RBFOX3: variants seen among roughly 807,000 people sequenced by gnomAD.
The protein encoded by RBFOX3 is RNA binding protein fox-1 homolog 3.
RBFOX3 carries 17 observed loss-of-function variants against 48.7 expected under a neutral mutation model. The observed-to-expected ratio is 0.35, with a 90% CI of 0.24 to 0.52. The LOEUF (loss-of-function observed/expected upper bound fraction) is 0.52, where lower values mean the gene tolerates loss of function less well. Among genes scored for constraint, RBFOX3 ranks in the 20% least tolerant of loss-of-function variants. The pLI is 0.94. For synonymous variants in RBFOX3, 212 were observed against 209.5 expected (o/e 1.01, Z -0.10); for missense variants, 382 against 497.5 (o/e 0.77, Z 2.21).
chr17:79,223,828 AAAC>A (rs1296850080), intron 4 of RBFOX3, among the ~76,000 whole-genome samples: 1 of 152,216 alleles, frequency 6.6e-6, no homozygotes, highest in African/African-American at 2.4e-5. Context: ...GCACTAAAGC[AAAC>A]AACACTTTCA....
At chr17:79,155,463 T>C (rs900017420) in intron 4 of RBFOX3, among the ~76,000 whole-genome samples, 5 of 152,256 alleles carry the variant, frequency 3.3e-5, no homozygotes, top group African/African-American at 1.2e-4. Flanking sequence ...GGAGCCAGCA[T>C]GAAATATTCA....
chr17:79,106,222 T>C (rs983610708), intron 6 of RBFOX3, among the ~76,000 whole-genome samples: 2 of 150,968 alleles, frequency 1.3e-5, no homozygotes, highest in East Asian at 2.0e-4. Context: ...CTATGGGAGG[T>C]TGAGCTGCCC....
chr17:79,278,164 G>A (rs1326953044), intron 3 of RBFOX3, among the ~76,000 whole-genome samples: 2 of 152,228 alleles, frequency 1.3e-5, no homozygotes, highest in South Asian at 4.1e-4. Flanking sequence ...GCCATGGGGG[G>A]CCTCGGGGGT....
At chr17:79,474,440 C>T (rs2077436721) in intron 2 of RBFOX3, among the ~76,000 whole-genome samples, 2 of 152,204 alleles carry the variant, frequency 1.3e-5, no homozygotes, top group Non-Finnish European at 2.9e-5. Flanking sequence ...ACTAACCCTC[C>T]TTTCCCTCAA....
rs1022358382 is a variant in RBFOX3 at position 79,481,701 on chromosome 17, G to A, written c.-175+753C>T. Reference sequence around the variant, plus strand: ...GGGTGGTGCATCCTAACACCATGGGGAATGGGTGTGGATGCTCCGAACTCA... The same window carrying A: ...GGGTGGTGCATCCTAACACCATGGGAAATGGGTGTGGATGCTCCGAACTCA... On this transcript the variant is annotated intron_variant, in intron 2 of 14. Transcript: ENST00000693108. This position sits in a 1 kb window ranked among gnomAD's most constrained non-coding sequence, Gnocchi z 5.4. Among the ~76,000 whole-genome samples the A allele has an allele frequency of 1.3e-5, 2 of 152,222 alleles. No individual in the cohort carries two copies. Among genetic ancestry groups the A allele is most frequent in the Non-Finnish European group, 2.9e-5 (2 of 68,032 alleles).
At chr17:79,142,326 A>G (rs957488142) in intron 4 of RBFOX3, among the ~76,000 whole-genome samples, 8 of 152,204 alleles carry the variant, frequency 5.3e-5, no homozygotes, top group African/African-American at 1.7e-4. Flanking sequence ...GCCCCGTTGG[A>G]GAGGCAGGAG....
intron 8 of RBFOX3, among the ~76,000 whole-genome samples, chr17:79,102,321 G>C (rs1246102419): frequency 3.9e-5 from 6 of 152,202 alleles, no homozygotes; most frequent in Non-Finnish European, 8.8e-5. Context: ...GGTCTGGGCT[G>C]TTCTGCCTCC....
chr17:79,287,973 C>T lies in RBFOX3; in HGVS notation c.-74+19751G>A, dbSNP rs142942211. Among the ~76,000 whole-genome samples the T allele has an allele frequency of 1.9e-3, 288 of 152,328 alleles. 1 individual carries two copies. The highest frequency in any genetic ancestry group is 6.3e-3 in the African/African-American group (263 of 41,570). On this transcript the variant is annotated intron_variant, in intron 3 of 14. Coordinates refer to ENST00000693108, the MANE Select transcript of RBFOX3 (RefSeq NM_001350451.2). ...GCCAGTTAAGTCGGGCCATTCCGGG[C>T]GCTGCTGCAACCCCTCTCGGGCTCC...
intron 1 of RBFOX3, chr17:79,598,365 T>TACATGCACACATGC (rs2093622017): frequency 6.7e-6 from 1 of 149,744 alleles, no homozygotes; most frequent in Non-Finnish European, 1.5e-5. Flanking sequence ...TGCACACATG[T>TACATGCACACATGC]GCACACATAC....
rs1600185485 is a variant in RBFOX3 at position 79,242,841 on chromosome 17, G to T, written c.-73-7036C>A. Among the ~76,000 whole-genome samples the T allele has an allele frequency of 6.6e-6, 1 of 152,112 alleles. No homozygotes were observed. Among genetic ancestry groups the T allele is most frequent in the East Asian group, 1.9e-4 (1 of 5,188 alleles). ...GCAGTTTTGCCTCCTCTCCCAGGAA[G>T]CCCGGGCAGGGCTCCACAGCAACCT... On this transcript the variant is annotated intron_variant, in intron 3 of 14. Transcript: ENST00000693108. This position sits in a 1 kb window ranked among gnomAD's most constrained non-coding sequence, Gnocchi z 5.8.
At chr17:79,246,180 T>C (rs1249511629) in intron 3 of RBFOX3, among the ~76,000 whole-genome samples, 1 of 152,130 alleles carries the variant, frequency 6.6e-6, no homozygotes, top group Non-Finnish European at 1.5e-5. Flanking sequence ...ATCTATAGAA[T>C]GACATGGACA....
chr17:79,573,114 C>T (rs905937074), intron 1 of RBFOX3, among the ~76,000 whole-genome samples: 2 of 152,214 alleles, frequency 1.3e-5, no homozygotes, highest in Admixed American at 6.5e-5. Flanking sequence ...ATGCCTCAGG[C>T]ATTTCCTCTT....
chr17:79,367,452 T>C (rs992698865), intron 2 of RBFOX3, among the ~76,000 whole-genome samples: 4 of 151,670 alleles, frequency 2.6e-5, no homozygotes, highest in African/African-American at 9.7e-5. Context: ...GCAAATCACA[T>C]TGGCCAGATT....
chr17:79,451,032 G>C (rs532628137), intron 2 of RBFOX3, among the ~76,000 whole-genome samples: 4 of 152,252 alleles, frequency 2.6e-5, no homozygotes, highest in African/African-American at 7.2e-5. Context: ...AGCCCAGGCT[G>C]GGGGGCCCGA....
chr17:79,362,116 T>G lies in RBFOX3; in HGVS notation c.-174-54292A>C, dbSNP rs983382613. Among the ~76,000 whole-genome samples the G allele has an allele frequency of 1.5e-4, 23 of 152,046 alleles. No homozygotes were observed. The highest frequency in any genetic ancestry group is 5.2e-4 in the Admixed American group (8 of 15,274). ...GATCACTCCCTTCGAGAGAATCCAC[T>G]CCACTGCCAGCTCACACACAGCCCT... On this transcript the variant is annotated intron_variant, in intron 2 of 14. Coordinates refer to ENST00000693108, the MANE Select transcript of RBFOX3 (RefSeq NM_001350451.2). This position sits in a 1 kb window ranked among gnomAD's most constrained non-coding sequence, Gnocchi z 4.2.
At chr17:79,170,129 A>T (rs2048894699) in intron 4 of RBFOX3, among the ~76,000 whole-genome samples, 1 of 145,090 alleles carries the variant, frequency 6.9e-6, no homozygotes, top group African/African-American at 2.7e-5. Flanking sequence ...GAAGGAAGGA[A>T]GGAGGAAGGA....
the RBFOX3 span, among the ~76,000 whole-genome samples, chr17:79,620,623 A>G: frequency 1.0e-5 from 1 of 96,456 alleles, no homozygotes; most frequent in Non-Finnish European, 2.1e-5. Context: ...ACACACGCAC[A>G]TGCACACACG....
At chr17:79,239,305 C>T (rs958088338) in intron 3 of RBFOX3, among the ~76,000 whole-genome samples, 4 of 152,160 alleles carry the variant, frequency 2.6e-5, no homozygotes, top group Non-Finnish European at 4.4e-5. Context: ...CGGGCGTGCT[C>T]CCAGGGTCAT....
At chr17:79,145,492 G>A (rs943100029) in intron 4 of RBFOX3, among the ~76,000 whole-genome samples, 6 of 152,202 alleles carry the variant, frequency 3.9e-5, no homozygotes, top group African/African-American at 7.2e-5. Flanking sequence ...ATGTGCAACC[G>A]AGTTTGGGAA....
Sources: allele counts gnomAD v4.1 joint callset (sites outside exome capture counted in the v4.1 genomes callset), GRCh38; gene constraint gnomAD v4.1.1; non-coding constraint Gnocchi (gnomAD v3.1); transcripts MANE v1.5; gene names NCBI Gene and HGNC (gene_info 2026-07-23, HGNC 2026-07-21).